The following EDA2R variants were observed in gnomAD, a reference collection of about 807,000 sequenced individuals.
EDA2R encodes the protein tumor necrosis factor receptor superfamily member 27.
Under a neutral mutation model 20.1 loss-of-function variants are expected in EDA2R, and 26 were observed. The observed-to-expected ratio is 1.30, with a 90% confidence interval of 0.95 to 1.80. The LOEUF is 1.80. Ranked by LOEUF, EDA2R falls within the 40% of genes most tolerant of loss-of-function variation. The pLI, the probability that EDA2R is intolerant of heterozygous loss-of-function variation, is 0.00. For synonymous variants in EDA2R, 114 were observed against 88.7 expected (o/e 1.29, Z -1.60); for missense variants, 277 against 228.7 (o/e 1.21, Z -1.36).
At chrX:66,598,728 G>A (rs1253481758) in intron 6 of EDA2R, among the ~76,000 whole-genome samples, 2 of 112,185 alleles carry the variant, frequency 1.8e-5, no homozygotes, top group Admixed American at 9.5e-5. Context: ...TTCTTAGGTT[G>A]GATGCAGGGA....
rs1002996008 is a variant in EDA2R at position 66,608,399 on chromosome X, T to C, written c.88-3173A>G. Among the ~76,000 whole-genome samples, 3 of 111,098 alleles carry C rather than the reference T, an allele frequency of 2.7e-5. No individual in the cohort carries two copies. The Admixed American group carries it at 2.9e-4, about 11-fold the overall frequency. On this transcript the variant is annotated intron_variant, in intron 2 of 6. Coordinates refer to ENST00000374719, the MANE Select transcript of EDA2R (RefSeq NM_021783.5). The stretch of plus-strand genomic sequence containing the variant: ...AAGAGACCTATGCTGAGATACACTA[T>C]CAAAAAATGTTTATAGCTGAAAACA...
At chrX:66,602,872 C>T in intron 4 of EDA2R, 75 bp from the exon 5 acceptor site, 1 of 967,667 alleles carries the variant, frequency 1.0e-6, no homozygotes, top group Non-Finnish European at 1.4e-6. Flanking sequence ...ACCTGGACTT[C>T]CTCAGGCTGT....
At chrX:66,630,263 T>C (rs773703881) in intron 1 of EDA2R, among the ~76,000 whole-genome samples, 1 of 111,675 alleles carries the variant, frequency 9.0e-6, no homozygotes, top group South Asian at 3.8e-4. Flanking sequence ...GAAAAAACCC[T>C]TCGAGACATT....
chrX:66,601,105 G>A (rs1256249168), intron 5 of EDA2R, among the ~76,000 whole-genome samples: 1 of 111,988 alleles, frequency 8.9e-6, no homozygotes, highest in Admixed American at 9.4e-5. Context: ...AGCCTTCCTA[G>A]CCCTTATAAA....
At chrX:66,623,249 C>A (rs186464610) in intron 1 of EDA2R, among the ~76,000 whole-genome samples, 26 of 112,132 alleles carry the variant, frequency 2.3e-4, no homozygotes, top group Non-Finnish European at 3.2e-4. Flanking sequence ...AAATAAAATG[C>A]AGTCAGAAAA....
At chrX:66,633,317 G>C (rs1934020934) in intron 1 of EDA2R, among the ~76,000 whole-genome samples, 1 of 111,922 alleles carries the variant, frequency 8.9e-6, no homozygotes, top group East Asian at 2.8e-4. Flanking sequence ...AACGAATGGG[G>C]AAAAGAGACT....
At chrX:66,620,521 T>A (rs1032190542) in intron 1 of EDA2R, among the ~76,000 whole-genome samples, 1 of 111,769 alleles carries the variant, frequency 8.9e-6, no homozygotes, top group African/African-American at 3.3e-5. Context: ...GAAAACATAA[T>A]AATTCTGTAA....
Position 66,610,272 on chromosome X carries a change from A to AC in EDA2R, c.88-5047_88-5046insG, listed in dbSNP as rs1555950268. ...AGGATGTCTCTTAACCAGATACACA[A>AC]ACACACACACACACACACACACACA... On this transcript the variant is annotated intron_variant, in intron 2 of 6. Transcript: ENST00000374719. 1.0e-4 allele frequency among the ~76,000 whole-genome samples: 9 copies of AC among 87,461 alleles called. No homozygotes were observed. The East Asian group carries it at 1.1e-3, about 11-fold the overall frequency. 75.9% of individuals were successfully genotyped at this position (87,461 alleles called of 115,157 possible).
At chrX:66,636,185 G>A (rs1934304272) in intron 1 of EDA2R, among the ~76,000 whole-genome samples, 1 of 111,818 alleles carries the variant, frequency 8.9e-6, no homozygotes, top group Non-Finnish European at 1.9e-5. Context: ...ACAGGAATGA[G>A]CCACCCTTCC....
At chrX:66,620,965 CAAAAAAAAAAAAAA>C (rs376190384) in intron 1 of EDA2R, among the ~76,000 whole-genome samples, 1 of 55,305 alleles carries the variant, frequency 1.8e-5, no homozygotes, top group Non-Finnish European at 3.5e-5. Context: ...TATCCACTAC[CAAAAAAAAAAAAAA>C]AAAAAAAAAA....
At chrX:66,622,321 T>C (rs1004949768) in intron 1 of EDA2R, among the ~76,000 whole-genome samples, 1 of 111,590 alleles carries the variant, frequency 9.0e-6, no homozygotes, top group African/African-American at 3.3e-5. Context: ...TAATTGATGT[T>C]GGCCAAGTTT....
chrX:66,621,413 G>T (rs993712827), intron 1 of EDA2R, among the ~76,000 whole-genome samples: 1 of 112,039 alleles, frequency 8.9e-6, no homozygotes, highest in African/African-American at 3.2e-5. Flanking sequence ...ATACCCAAAA[G>T]AATTGAAAAC....
chrX:66,617,167 A>G (rs1207616017), intron 1 of EDA2R, among the ~76,000 whole-genome samples: 5 of 111,735 alleles, frequency 4.5e-5, no homozygotes, highest in African/African-American at 1.6e-4. Flanking sequence ...AAGAGACGAG[A>G]GTGTACATGT....
chrX:66,636,939 A>C (rs201956784), intron 1 of EDA2R, among the ~76,000 whole-genome samples: 1 of 99,838 alleles, frequency 1.0e-5, no homozygotes, highest in African/African-American at 3.5e-5. Context: ...CTGTGTGTAA[A>C]ACACACACAC....
chrX:66,617,164 G>A (rs749904708), intron 1 of EDA2R, among the ~76,000 whole-genome samples: 4 of 111,972 alleles, frequency 3.6e-5, no homozygotes, highest in African/African-American at 9.7e-5. Flanking sequence ...CAGAAGAGAC[G>A]AGAGTGTACA....
intron 2 of EDA2R, among the ~76,000 whole-genome samples, chrX:66,606,135 G>T (rs1284660170): frequency 8.9e-6 from 1 of 111,882 alleles, no homozygotes; most frequent in Non-Finnish European, 1.9e-5. Flanking sequence ...CAGGAACAAG[G>T]CTCCTGCCTG....
intron 1 of EDA2R, among the ~76,000 whole-genome samples, chrX:66,638,613 C>T (rs1394206189): frequency 9.0e-6 from 1 of 111,208 alleles, no homozygotes; most frequent in Non-Finnish European, 1.9e-5. Flanking sequence ...GTTCTGCTTT[C>T]CTCAGGATGC....
At chrX:66,603,337 T>C (rs756980556) in intron 4 of EDA2R, among the ~76,000 whole-genome samples, 1 of 111,956 alleles carries the variant, frequency 8.9e-6, no homozygotes, top group African/African-American at 3.2e-5. Context: ...TATTAAAACA[T>C]TAGTGGAGAG....
chrX:66,612,755 G>T, intron 2 of EDA2R, among the ~76,000 whole-genome samples: 1 of 111,134 alleles, frequency 9.0e-6, no homozygotes, highest in South Asian at 3.8e-4. Context: ...ACAGGGATTG[G>T]CATAGTGAAA....
Sources: allele counts gnomAD v4.1 joint callset (sites outside exome capture counted in the v4.1 genomes callset), GRCh38; gene constraint gnomAD v4.1.1; transcripts MANE v1.5; gene names NCBI Gene and HGNC (gene_info 2026-07-23, HGNC 2026-07-21).